Variants in CYP2B6 observed in about 807,000 individuals in gnomAD.
CYP2B6 encodes cytochrome P450 2B6.
In CYP2B6, 35 loss-of-function variants were observed where a neutral mutation model predicts 43.4. That is an observed-to-expected ratio of 0.81 (90% CI 0.62 to 1.07). The LOEUF (loss-of-function observed/expected upper bound fraction) is 1.07, where lower values mean the gene tolerates loss of function less well. CYP2B6 is among the 50% of genes least tolerant of loss of function. The probability of loss-of-function intolerance (pLI) is 0.00; values close to 1 mark genes in which losing one functional copy is unlikely to be tolerated. For synonymous variants in CYP2B6, 239 were observed against 239.2 expected, an observed-to-expected ratio of 1.00 and a Z score of 0.01; for missense variants, 624 against 632.8, an observed-to-expected ratio of 0.99 and a Z score of 0.15.
chr19:41,014,895 G>A lies in CYP2B6; in HGVS notation c.1295-1751G>A, dbSNP rs1051787494. Among the ~76,000 whole-genome samples the A allele has an allele frequency of 5.3e-5, 8 of 151,444 alleles. No individual in the cohort carries two copies. In the South Asian group the frequency reaches 1.5e-3, roughly 28 times the overall value. ...AGGAGGGGAGAAAGGAGGGAAAGGA[G>A]AGAAACAGAATAAGAGATAGGAAAA... On this transcript the variant is annotated intron_variant, in intron 8 of 8. Transcript: ENST00000324071.
chr19:41,016,561 C>CAT, intron 8 of CYP2B6, 85 bp from the exon 9 acceptor site: 2 of 1,431,998 alleles, frequency 1.4e-6, no homozygotes. Flanking sequence ...TTGCAGTGGA[C>CAT]ATTTGTGTCT....
chr19:41,002,825 A>T (rs1443896867), intron 1 of CYP2B6, among the ~76,000 whole-genome samples: 1 of 152,020 alleles, frequency 6.6e-6, no homozygotes, highest in South Asian at 2.1e-4. Context: ...GGGATTACAG[A>T]TGTGAGTCAC....
At chr19:41,013,406 G>A (rs1467829089) in intron 8 of CYP2B6, among the ~76,000 whole-genome samples, 1 of 152,222 alleles carries the variant, frequency 6.6e-6, no homozygotes, top group Non-Finnish European at 1.5e-5. Flanking sequence ...GGTCCGTAAG[G>A]AAAAGCTTAC....
chr19:41,004,261 C>T, intron 2 of CYP2B6, 36 bp from the exon 3 acceptor site: 1 of 1,613,820 alleles, frequency 6.2e-7, no homozygotes, highest in Non-Finnish European at 8.5e-7. Context: ...CTTCCAACTT[C>T]TTCTACAACC....
intron 8 of CYP2B6, among the ~76,000 whole-genome samples, chr19:41,014,992 AAAG>A (rs1353289760): frequency 2.0e-5 from 3 of 152,144 alleles, no homozygotes; most frequent in African/African-American, 7.2e-5. Context: ...AGGGAGATGA[AAAG>A]AAAGAATGAG....
chr19:40,999,298 T>G (rs1211911590), intron 1 of CYP2B6, among the ~76,000 whole-genome samples: 1 of 151,998 alleles, frequency 6.6e-6, no homozygotes, highest in Admixed American at 6.6e-5. Flanking sequence ...TTTGTTTGAG[T>G]TCATTGTAGA....
Position 41,009,984 on chromosome 19 carries a change from G to C in CYP2B6, c.823-10G>C. ...CTGACCCTCCCCTTCCTTCCCTACT[G>C]TGGACGCAGGAGAAATCCAACGCAC... On this transcript the variant is annotated splice_polypyrimidine_tract_variant and intron_variant, in intron 5 of 8. Transcript: ENST00000324071. 6.2e-7 allele frequency: 1 copy of C among 1,614,064 alleles called. No homozygotes were observed. Among genetic ancestry groups the C allele is most frequent in the Non-Finnish European group, 8.5e-7 (1 of 1,180,018 alleles).
Position 41,004,015 on chromosome 19 carries a change from T to C in CYP2B6, c.186T>C (p.Tyr62=). Residue 62 remains tyrosine (Y), a synonymous_variant, in exon 2 of 9, where the codon TAT becomes TAC. Coordinates refer to ENST00000324071, the MANE Select transcript of CYP2B6 (RefSeq NM_000767.5). ...GTGATTGGCAGTTCCGAGAGAAATA[T>C]GGGGACGTCTTCACGGTACACCTGG... ...LKSFLRFREK[Y]GDVFTVHLGP... The C allele has an allele frequency of 2.5e-6, 4 of 1,613,304 alleles. No individual in the cohort carries two copies. The highest frequency in any genetic ancestry group is 3.4e-6 in the Non-Finnish European group (4 of 1,179,452).
intron 1 of CYP2B6, among the ~76,000 whole-genome samples, chr19:40,995,755 A>G (rs1872124): frequency 6.6e-6 from 1 of 151,864 alleles, no homozygotes. Flanking sequence ...ATAATACCTG[A>G]GACCAAGGGA....
chr19:41,004,688 T>C (rs924603467), intron 3 of CYP2B6, among the ~76,000 whole-genome samples: 16 of 151,848 alleles, frequency 1.1e-4, no homozygotes, highest in African/African-American at 3.9e-4. Flanking sequence ...GTGTATAATG[T>C]CCAAGAGTTA....
chr19:41,002,501 A>G (rs548844422), intron 1 of CYP2B6, among the ~76,000 whole-genome samples: 201 of 152,062 alleles, frequency 1.3e-3, no homozygotes, highest in African/African-American at 4.7e-3. Context: ...TCCACCTACC[A>G]TCTTGATCAT....
intron 7 of CYP2B6, 40 bp from the exon 8 acceptor site, chr19:41,012,634 G>C: frequency 6.2e-7 from 1 of 1,613,366 alleles, no homozygotes; most frequent in Non-Finnish European, 8.5e-7. Flanking sequence ...GAGGGTTGGA[G>C]GGAATGGCAA....
intron 8 of CYP2B6, among the ~76,000 whole-genome samples, chr19:41,015,764 G>C (rs576565381): frequency 1.3e-3 from 193 of 151,410 alleles, no homozygotes; most frequent in African/African-American, 4.5e-3. Flanking sequence ...TAGAGACACA[G>C]ACACAGACAC....
At chr19:41,010,271 T>G in intron 6 of CYP2B6, 136 bp downstream of exon 6, 1 of 1,070,736 alleles carries the variant, frequency 9.3e-7, no homozygotes, top group East Asian at 2.5e-5. Context: ...CTGGGCTAGA[T>G]TCCAACCAAG....
chr19:41,006,940 A>T lies in CYP2B6; in HGVS notation c.520A>T (p.Ile174Phe), dbSNP rs752955367. Reference protein sequence around the residue: ...LMDPTFLFQSITANIICSIVF... With the variant: ...LMDPTFLFQSFTANIICSIVF... ...GGACCCCACCTTCCTCTTCCAGTCC[A>T]TTACCGCCAACATCATCTGCTCCAT... is the stretch of plus-strand genomic sequence containing the variant. Residue 174 changes from isoleucine (I) to phenylalanine (F), a missense_variant, in exon 4 of 9, where the codon ATT becomes TTT. Ile to Phe is a conservative substitution (Grantham distance 21). Coordinates refer to ENST00000324071, the MANE Select transcript of CYP2B6 (RefSeq NM_000767.5). 1 of 1,613,928 alleles carries T rather than the reference A, an allele frequency of 6.2e-7. No homozygotes were observed. Among genetic ancestry groups the T allele is most frequent in the South Asian group, 1.1e-5 (1 of 91,074 alleles).
intron 8 of CYP2B6, among the ~76,000 whole-genome samples, chr19:41,014,575 G>T (rs1327827252): frequency 6.6e-6 from 1 of 152,158 alleles, no homozygotes; most frequent in Non-Finnish European, 1.5e-5. Context: ...AAAGTCCTGG[G>T]ATTACAGGCA....
intron 1 of CYP2B6, among the ~76,000 whole-genome samples, chr19:41,000,063 C>T (rs780543125): frequency 7.2e-5 from 11 of 152,130 alleles, no homozygotes; most frequent in Non-Finnish European, 2.9e-5. Flanking sequence ...TTGTTTTTGT[C>T]GTTGTTATTG....
chr19:40,993,885 TG>T (rs1449583545), intron 1 of CYP2B6, among the ~76,000 whole-genome samples: 1 of 152,128 alleles, frequency 6.6e-6, no homozygotes, highest in African/African-American at 2.4e-5. Flanking sequence ...GCCTCCAAGA[TG>T]GGCATAGAGG....
At chr19:40,994,140 G>A (rs191276512) in intron 1 of CYP2B6, among the ~76,000 whole-genome samples, 28 of 152,040 alleles carry the variant, frequency 1.8e-4, no homozygotes, top group Non-Finnish European at 2.9e-4. Context: ...ACTTATCTTC[G>A]TCGATTTTGA....
Sources: gnomAD v4.1 joint callset for allele counts (sites outside exome capture counted in the v4.1 genomes callset) on GRCh38, gnomAD v4.1.1 for gene constraint, MANE v1.5 for transcripts, NCBI Gene and HGNC (gene_info 2026-07-23, HGNC 2026-07-21) for gene names.